Variants in ANKRD30A observed in about 807,000 individuals in gnomAD.
ANKRD30A encodes the protein ankyrin repeat domain-containing protein 30A.
ANKRD30A carries 170 observed loss-of-function variants against 166.3 expected under a neutral mutation model. That is an observed-to-expected ratio of 1.02 (90% confidence interval 0.90 to 1.16). The LOEUF is 1.16. Among genes scored for constraint, ANKRD30A ranks in the 50% most tolerant of loss-of-function variants. The pLI, the probability that ANKRD30A is intolerant of heterozygous loss-of-function variation, is 0.00. For synonymous variants in ANKRD30A, 564 were observed against 508.9 expected (o/e 1.11, Z -1.46); for missense variants, 1,630 against 1,518.0 (o/e 1.07, Z -1.23).
At chr10:37,252,046 A>G in the ANKRD30A span, among the ~76,000 whole-genome samples, 1 of 152,172 alleles carries the variant, frequency 6.6e-6, no homozygotes, top group Non-Finnish European at 1.5e-5. Context: ...GAGTTTTCCC[A>G]TCATGTGTCC....
intron 31 of ANKRD30A, among the ~76,000 whole-genome samples, chr10:37,214,827 T>C (rs1243350138): frequency 6.6e-6 from 1 of 151,374 alleles, no homozygotes; most frequent in African/African-American, 2.4e-5. Flanking sequence ...ATCTGTGGGA[T>C]TGTAGCTTTC....
At chr10:37,157,953 A>G (rs1306815914) in intron 13 of ANKRD30A, among the ~76,000 whole-genome samples, 5 of 152,066 alleles carry the variant, frequency 3.3e-5, no homozygotes, top group East Asian at 1.9e-4. Flanking sequence ...CTACATGTAT[A>G]TATTGACATA....
intron 15 of ANKRD30A, among the ~76,000 whole-genome samples, chr10:37,160,433 A>T (rs897590444): frequency 9.2e-5 from 14 of 152,184 alleles, no homozygotes; most frequent in African/African-American, 2.9e-4. Context: ...TAGGAAAAAC[A>T]TTATGTGAAC....
At chr10:37,147,692 G>C (rs370363608) in intron 9 of ANKRD30A, among the ~76,000 whole-genome samples, 1 of 152,072 alleles carries the variant, frequency 6.6e-6, no homozygotes, top group African/African-American at 2.4e-5. Flanking sequence ...AGGACATGAC[G>C]AAAGTCAGGA....
At chr10:37,200,684 G>T (rs1007034652) in intron 30 of ANKRD30A, among the ~76,000 whole-genome samples, 1 of 151,846 alleles carries the variant, frequency 6.6e-6, no homozygotes, top group African/African-American at 2.4e-5. Context: ...CATAAATTTT[G>T]TCAAAAACTT....
At chr10:37,213,553 CTTCTT>C in intron 31 of ANKRD30A, among the ~76,000 whole-genome samples, 1 of 119,572 alleles carries the variant, frequency 8.4e-6, no homozygotes, top group South Asian at 2.3e-4. Context: ...TTTTCTTCTT[CTTCTT>C]TTTTTTTTTT....
chr10:37,145,438 T>C (rs1837430949), intron 8 of ANKRD30A, among the ~76,000 whole-genome samples: 1 of 150,988 alleles, frequency 6.6e-6, no homozygotes, highest in Non-Finnish European at 1.5e-5. Flanking sequence ...GATCGTGCCA[T>C]TGCACTCAGA....
At chr10:37,232,688 ATATAT>A (rs1398390109), downstream of ANKRD30A, 1 of 5,348 alleles carries the variant, frequency 1.9e-4, no homozygotes, top group African/African-American at 2.6e-4. Flanking sequence ...ATATATATAT[ATATAT>A]AAATAGAGAG....
chr10:37,146,772 C>T (rs1297743302), intron 8 of ANKRD30A, among the ~76,000 whole-genome samples: 1 of 152,120 alleles, frequency 6.6e-6, no homozygotes, highest in East Asian at 1.9e-4. Context: ...TGTGGTACAT[C>T]AAAGGTGAGT....
chr10:37,189,940 G>A (rs1208603323), intron 25 of ANKRD30A, among the ~76,000 whole-genome samples: 4 of 151,748 alleles, frequency 2.6e-5, no homozygotes, highest in East Asian at 1.9e-4. Flanking sequence ...GGAAAAGATC[G>A]GGTATGGTTA....
intron 27 of ANKRD30A, among the ~76,000 whole-genome samples, chr10:37,194,938 GA>G (rs1165274480): frequency 6.6e-6 from 1 of 152,036 alleles, no homozygotes; most frequent in East Asian, 1.9e-4. Flanking sequence ...ACACGAATTG[GA>G]AAAGTCCTAC....
At chr10:37,179,568 A>G (rs1212166594) in intron 24 of ANKRD30A, among the ~76,000 whole-genome samples, 11 of 150,236 alleles carry the variant, frequency 7.3e-5, no homozygotes, top group African/African-American at 2.7e-4. Context: ...TTATGCTCTA[A>G]GTATATATCC....
intron 6 of ANKRD30A, among the ~76,000 whole-genome samples, chr10:37,137,952 G>T (rs764119458): frequency 7.1e-4 from 108 of 152,274 alleles, no homozygotes; most frequent in Non-Finnish European, 1.4e-3. Flanking sequence ...CCAGACCCTC[G>T]AGTAGCCTAA....
Position 37,199,828 on chromosome 10 carries a change from A to C in ANKRD30A, c.2778+40A>C, listed in dbSNP as rs149812500. The C allele has an allele frequency of 2.7e-3, 3,335 of 1,240,852 alleles. 65 individuals are homozygous for C. The African/African-American group carries it at 0.046, about 17-fold the overall frequency. The allele number at this position is 1,240,852 out of a possible 1,614,324, so 76.9% of individuals were successfully genotyped here. A position where few individuals can be genotyped will look rare whatever the true frequency, so the allele number is the denominator to read the frequency against. On this transcript the variant is annotated intron_variant, in intron 30 of 35. Transcript: ENST00000361713. ...TGATTTTTTTAAATATTAGTATTGC[A>C]TGATATGAAAACATAAAATCAGATG...
At chr10:37,161,249 A>T (rs1186397182) in intron 15 of ANKRD30A, among the ~76,000 whole-genome samples, 1 of 152,184 alleles carries the variant, frequency 6.6e-6, no homozygotes, top group Non-Finnish European at 1.5e-5. Context: ...GAAGGTCAAG[A>T]CATAACATGG....
intron 6 of ANKRD30A, among the ~76,000 whole-genome samples, chr10:37,139,952 C>T (rs1836987952): frequency 6.6e-6 from 1 of 152,190 alleles, no homozygotes; most frequent in South Asian, 2.1e-4. Flanking sequence ...CAAAACTTTA[C>T]TAGTAGTCCA....
At chr10:37,257,547 T>C in the ANKRD30A span, among the ~76,000 whole-genome samples, 3 of 152,178 alleles carry the variant, frequency 2.0e-5, no homozygotes, top group East Asian at 1.9e-4. Flanking sequence ...GTGCTGTAAG[T>C]TTCCCTCTTA....
chr10:37,207,625 T>C (rs887041671), intron 31 of ANKRD30A, among the ~76,000 whole-genome samples: 1 of 151,896 alleles, frequency 6.6e-6, no homozygotes, highest in East Asian at 1.9e-4. Flanking sequence ...CTTATGGCTA[T>C]TATTTTTATA....
the ANKRD30A span, among the ~76,000 whole-genome samples, chr10:37,256,577 A>C: frequency 1.3e-5 from 2 of 152,242 alleles, no homozygotes; most frequent in Non-Finnish European, 2.9e-5. Flanking sequence ...ATAGACTGTA[A>C]GTAAACATTT....
Sources: gnomAD v4.1 joint callset for allele counts (sites outside exome capture counted in the v4.1 genomes callset) on GRCh38, gnomAD v4.1.1 for gene constraint, MANE v1.5 for transcripts, NCBI Gene and HGNC (gene_info 2026-07-23, HGNC 2026-07-21) for gene names.